The following ARHGAP6 variants were observed in gnomAD, a reference collection of about 807,000 sequenced individuals.
ARHGAP6 encodes Rho GTPase activating protein 6, also known as rho GTPase-activating protein 6.
Under a neutral mutation model 55.7 loss-of-function variants are expected in ARHGAP6, and 16 were observed. That is an observed-to-expected ratio of 0.29 (90% CI 0.19 to 0.44). ARHGAP6 has a LOEUF of 0.44. Ranked by LOEUF, ARHGAP6 falls within the 20% of genes least tolerant of loss-of-function variation. The pLI is 1.00. For synonymous variants in ARHGAP6, 382 were observed against 360.9 expected (o/e 1.06, Z -0.66); for missense variants, 698 against 808.9 (o/e 0.86, Z 1.66).
At chrX:11,248,043 T>C (rs143821678) in intron 2 of ARHGAP6, among the ~76,000 whole-genome samples, 21 of 111,964 alleles carry the variant, frequency 1.9e-4, no homozygotes, top group African/African-American at 6.1e-4. Flanking sequence ...TTTTGAACCA[T>C]GTTAAGTTTA....
intron 9 of ARHGAP6, among the ~76,000 whole-genome samples, chrX:11,168,047 C>T (rs759470806): frequency 8.9e-5 from 10 of 111,811 alleles, no homozygotes; most frequent in Non-Finnish European, 1.5e-4. Flanking sequence ...TCAAGCCTCG[C>T]TTGAAGTTAA....
At chrX:11,178,857 G>A (rs1251819415) in intron 7 of ARHGAP6, among the ~76,000 whole-genome samples, 1 of 111,598 alleles carries the variant, frequency 9.0e-6, no homozygotes, top group African/African-American at 3.3e-5. Flanking sequence ...TGTAGCTACA[G>A]CCCAGAAGCA....
intron 1 of ARHGAP6, among the ~76,000 whole-genome samples, chrX:11,569,309 G>T (rs2051484535): frequency 1.8e-5 from 2 of 111,180 alleles, no homozygotes; most frequent in Middle Eastern, 4.6e-3. Context: ...AATGTCAATG[G>T]TGTCTCAGTT....
At chrX:11,223,430 C>A (rs1225907594) in intron 2 of ARHGAP6, among the ~76,000 whole-genome samples, 2 of 111,170 alleles carry the variant, frequency 1.8e-5, no homozygotes, top group Non-Finnish European at 3.8e-5. Context: ...TGTTTTATAA[C>A]CTAAGTTTAA....
chrX:11,340,138 G>A (rs991569299), intron 1 of ARHGAP6, among the ~76,000 whole-genome samples: 3 of 111,844 alleles, frequency 2.7e-5, no homozygotes, highest in South Asian at 3.7e-4. Context: ...TCTACACAGA[G>A]CTCAAAACAT....
rs1170079147 is a variant in ARHGAP6, at chrX:11,360,533, A to C, written c.589-105826T>G. 2.7e-5 allele frequency among the ~76,000 whole-genome samples: 3 copies of C among 109,335 alleles called. No individual in the cohort carries two copies. The East Asian group carries it at 8.5e-4, about 31-fold the overall frequency. 94.9% of individuals were successfully genotyped at this position (109,335 alleles called of 115,157 possible). A position where few individuals can be genotyped will look rare whatever the true frequency, so the allele number is the denominator to read the frequency against. On this transcript the variant is annotated intron_variant, in intron 1 of 12. Coordinates refer to ENST00000337414, the MANE Select transcript of ARHGAP6 (RefSeq NM_013427.3). ...AAAATAATAAGAGCTATCTATGACAAACCCACAGCCAATATCATACTAAAT... is the reference window on the plus strand; with the variant it reads ...AAAATAATAAGAGCTATCTATGACACACCCACAGCCAATATCATACTAAAT...
intron 1 of ARHGAP6, among the ~76,000 whole-genome samples, chrX:11,411,520 G>C (rs2147766282): frequency 9.2e-6 from 1 of 108,572 alleles, no homozygotes; most frequent in East Asian, 2.9e-4. Context: ...TTTTGCTTTT[G>C]ATTTTAGAAA....
Position 11,567,567 on chromosome X carries a change from AT to A in ARHGAP6, c.588+96673del, listed in dbSNP as rs1203568750. Among the ~76,000 whole-genome samples, 691 of 78,742 alleles carry A rather than the reference AT, an allele frequency of 8.8e-3. 13 individuals carry two copies. Among genetic ancestry groups the A allele is most frequent in the African/African-American group, 0.035 (654 of 18,852 alleles). The allele number at this position is 78,742 out of a possible 115,157, so 68.4% of individuals were successfully genotyped here. A position where few individuals can be genotyped will look rare whatever the true frequency, so the allele number is the denominator to read the frequency against. The stretch of plus-strand genomic sequence containing the variant: ...AGACTCCATCTCAAAAAAAAAAAAA[AT>A]ATATATATATATTTGCCTCAGAGTT... On this transcript the variant is annotated intron_variant, in intron 1 of 12. Coordinates refer to ENST00000337414, the MANE Select transcript of ARHGAP6 (RefSeq NM_013427.3).
intron 1 of ARHGAP6, among the ~76,000 whole-genome samples, chrX:11,527,488 T>C (rs1371092208): frequency 9.0e-6 from 1 of 111,531 alleles, no homozygotes; most frequent in African/African-American, 3.3e-5. Flanking sequence ...GGCACACGCC[T>C]ATAGTACCAG....
intron 1 of ARHGAP6, among the ~76,000 whole-genome samples, chrX:11,480,450 G>A (rs775119751): frequency 1.8e-5 from 2 of 110,688 alleles, no homozygotes; most frequent in East Asian, 2.8e-4. Flanking sequence ...AGTAGGTATG[G>A]AGTGGGAGAA....
At position 11,295,779 on chromosome X, in the gene ARHGAP6, A is replaced by T. The variant is rs150971901; in HGVS notation, c.589-41072T>A. ...ATTGTTCAAGAGGGTATAGGACCTG[A>T]CTAAAACCATTCACATCCAGATGAG... On this transcript the variant is annotated intron_variant, in intron 1 of 12. Transcript: ENST00000337414. Among the ~76,000 whole-genome samples, 286 of 112,166 alleles carry T rather than the reference A, an allele frequency of 2.5e-3. 2 individuals carry two copies. Among genetic ancestry groups the T allele is most frequent in the African/African-American group, 8.9e-3 (274 of 30,870 alleles).
intron 1 of ARHGAP6, among the ~76,000 whole-genome samples, chrX:11,548,055 G>A (rs1190185510): frequency 9.0e-6 from 1 of 111,282 alleles, no homozygotes; most frequent in African/African-American, 3.3e-5. Context: ...ACTGATGACT[G>A]GGGACCACCC....
intron 1 of ARHGAP6, among the ~76,000 whole-genome samples, chrX:11,558,836 CAAAAAAAAAAA>C (rs58936931): frequency 8.0e-4 from 24 of 30,064 alleles, no homozygotes; most frequent in Admixed American, 2.2e-3. Context: ...GATTCCATCT[CAAAAAAAAAAA>C]AAAAAAAAAA....
At chrX:11,568,912 T>C (rs1182628626) in intron 1 of ARHGAP6, among the ~76,000 whole-genome samples, 1 of 112,028 alleles carries the variant, frequency 8.9e-6, no homozygotes, top group Non-Finnish European at 1.9e-5. Flanking sequence ...CAAAAACTGA[T>C]TTATTACAAA....
In ARHGAP6 at chrX:11,138,983, G is replaced by T. The variant is rs763939922; in HGVS notation, c.2805C>A (p.Gly935=). The change falls in exon 13 of 13, where the codon GGC becomes GGA. Residue 935 remains glycine (G), a synonymous_variant. Coordinates refer to ENST00000337414, the MANE Select transcript of ARHGAP6 (RefSeq NM_013427.3). ...CCCCCAGGCGCGGACTGTCCTGCTC[G>T]CCCGCTGGCAGGGAGTTGGCGCTGC... ...KLSSANSLPA[G]EQDSPRLGDA... 3 of 1,205,898 alleles carry T rather than the reference G, an allele frequency of 2.5e-6. No homozygotes were observed. In the South Asian group the frequency reaches 5.3e-5, roughly 21 times the overall value.
chrX:11,635,375 AT>A (rs766272095), intron 1 of ARHGAP6, among the ~76,000 whole-genome samples: 1 of 111,455 alleles, frequency 9.0e-6, no homozygotes, highest in African/African-American at 3.3e-5. Flanking sequence ...TTGTTTCTAC[AT>A]TTTTTTGTAT....
intron 1 of ARHGAP6, among the ~76,000 whole-genome samples, chrX:11,582,492 T>A (rs1021333286): frequency 8.9e-6 from 1 of 112,336 alleles, no homozygotes; most frequent in Non-Finnish European, 1.9e-5. Flanking sequence ...CCAGCCCTTT[T>A]TTATTGGAAA....
intron 1 of ARHGAP6, among the ~76,000 whole-genome samples, chrX:11,513,246 A>C (rs2050802070): frequency 9.0e-6 from 1 of 111,088 alleles, no homozygotes; most frequent in South Asian, 3.9e-4. Context: ...AATCTTAAGT[A>C]ATCATTCCCT....
chrX:11,561,567 T>G (rs1293011209), intron 1 of ARHGAP6, among the ~76,000 whole-genome samples: 1 of 112,089 alleles, frequency 8.9e-6, no homozygotes, highest in Non-Finnish European at 1.9e-5. Context: ...TTAAGACCAT[T>G]TGAATTTTTT....
Sources: allele counts gnomAD v4.1 joint callset (sites outside exome capture counted in the v4.1 genomes callset), GRCh38; gene constraint gnomAD v4.1.1; transcripts MANE v1.5; gene names NCBI Gene and HGNC (gene_info 2026-07-23, HGNC 2026-07-21).